The following PLEKHM1 variants were observed in gnomAD, a reference collection of about 807,000 sequenced individuals.
PLEKHM1 encodes the protein pleckstrin homology domain-containing family M member 1.
Under a neutral mutation model 94.3 loss-of-function variants are expected in PLEKHM1, and 28 were observed. The ratio of observed to expected loss-of-function variants is 0.30; its 90% confidence interval spans 0.22 to 0.41. The LOEUF is 0.41. Ranked by LOEUF, PLEKHM1 falls within the 10% of genes least tolerant of loss-of-function variation. The probability of loss-of-function intolerance (pLI) is 1.00; values close to 1 mark genes in which losing one functional copy is unlikely to be tolerated. For missense variants in PLEKHM1, 907 were observed against 1,358.6 expected, an observed-to-expected ratio of 0.67 and a Z score of 5.22; for synonymous variants, 424 against 581.2, an observed-to-expected ratio of 0.73 and a Z score of 3.89.
chr17:45,468,411 T>G lies in PLEKHM1; in HGVS notation c.1106A>C (p.Asp369Ala), dbSNP rs1218395419. Reference sequence around the variant, plus strand: ...ACGCGGCTCCTGCACGTGGACACCATCTTGAGTTCCAGAGGCTGCCTGGGC... The same window carrying G: ...ACGCGGCTCCTGCACGTGGACACCAGCTTGAGTTCCAGAGGCTGCCTGGGC... ...LPAQAASGTQ[D>A]GVHVQEPRPQ... The change falls in exon 5 of 12, where the codon GAT becomes GCT. Residue 369 changes from aspartate (D) to alanine (A), a missense_variant. Physicochemically the swap from Asp to Ala is moderately radical, Grantham distance 126. Around this residue, in one of 3 missense-constraint regions of PLEKHM1, gnomAD observed 477 missense variants for 601.5 expected, o/e 0.79. Coordinates refer to ENST00000430334, the MANE Select transcript of PLEKHM1 (RefSeq NM_014798.3). 1 of 1,614,184 alleles carries G rather than the reference T, an allele frequency of 6.2e-7. No individual in the cohort carries two copies. Among genetic ancestry groups the G allele is most frequent in the East Asian group, 2.2e-5 (1 of 44,878 alleles).
chr17:45,448,983 C>T (rs1046648528), intron 8 of PLEKHM1, among the ~76,000 whole-genome samples: 9 of 151,966 alleles, frequency 5.9e-5, no homozygotes, highest in Non-Finnish European at 8.8e-5. Context: ...GGGTATACCC[C>T]GAAATGTTAA....
Position 45,436,487 on chromosome 17 carries a change from A to C in PLEKHM1, c.*1371T>G, listed in dbSNP as rs1216901953. 1 of 453,512 alleles carries C rather than the reference A, an allele frequency of 2.2e-6. No individual in the cohort carries two copies. The highest frequency in any genetic ancestry group is 4.4e-6 in the Non-Finnish European group (1 of 226,470). 28.1% of individuals were successfully genotyped at this position (453,512 alleles called of 1,614,324 possible). ...GGGTGGGGGTGGGCTCATCTCTGAC[A>C]GTGACATGCGGCTCTCCACCTGAGG... is the stretch of plus-strand genomic sequence containing the variant. On this transcript the variant is annotated 3_prime_UTR_variant, in exon 12 of 12. Coordinates refer to ENST00000430334, the MANE Select transcript of PLEKHM1 (RefSeq NM_014798.3).
chr17:45,478,349 T>C (rs2051826124), intron 2 of PLEKHM1, among the ~76,000 whole-genome samples: 1 of 152,114 alleles, frequency 6.6e-6, no homozygotes, highest in South Asian at 2.1e-4. Flanking sequence ...AAAAGGAAAA[T>C]CACACACACT....
At chr17:45,483,128 C>T (rs1416691920) in intron 1 of PLEKHM1, among the ~76,000 whole-genome samples, 2 of 151,906 alleles carry the variant, frequency 1.3e-5, no homozygotes, top group African/African-American at 4.8e-5. Context: ...GCTTGAGCAG[C>T]ACAGACAGGG....
In PLEKHM1 at chr17:45,437,358, G is replaced by A. The variant is rs1457403203; in HGVS notation, c.*500C>T. On this transcript the variant is annotated 3_prime_UTR_variant, in exon 12 of 12. Coordinates refer to ENST00000430334, the MANE Select transcript of PLEKHM1 (RefSeq NM_014798.3). The surrounding 1 kb of genome is among the most constrained non-coding windows in gnomAD (Gnocchi z 4.0). ...CCCGCTACCTCTAAGCCAGGCCTGAGTGGCTCCTGTGCATCCGCTGGGGGT... is the reference window on the plus strand; with the variant it reads ...CCCGCTACCTCTAAGCCAGGCCTGAATGGCTCCTGTGCATCCGCTGGGGGT... 3 of 454,254 alleles carry A rather than the reference G, an allele frequency of 6.6e-6. No homozygotes were observed. Among genetic ancestry groups the A allele is most frequent in the South Asian group, 1.6e-5 (1 of 64,486 alleles). 28.1% of individuals were successfully genotyped at this position (454,254 alleles called of 1,614,324 possible).
At chr17:45,455,816 G>T (rs1006743595) in intron 6 of PLEKHM1, among the ~76,000 whole-genome samples, 3 of 152,140 alleles carry the variant, frequency 2.0e-5, no homozygotes, top group African/African-American at 4.8e-5. Flanking sequence ...TAGGAGCCAT[G>T]ATGACCCATT....
In PLEKHM1 at chr17:45,441,538, G is replaced by A. The variant is rs114682443; in HGVS notation, c.2838-1312C>T. Among the ~76,000 whole-genome samples the A allele has an allele frequency of 8.7e-3, 1,327 of 152,318 alleles. 13 individuals carry two copies. Among genetic ancestry groups the A allele is most frequent in the African/African-American group, 0.029 (1,222 of 41,566 alleles). ...ACAGGTTGGCCTTCAGCTGGCAGGA[G>A]GGTGGGCGGATCTGGATGGAGAATT... is the stretch of plus-strand genomic sequence containing the variant. On this transcript the variant is annotated intron_variant, in intron 9 of 11. Transcript: ENST00000430334.
chr17:45,489,629 A>G (rs2052243832), intron 1 of PLEKHM1, among the ~76,000 whole-genome samples: 1 of 151,954 alleles, frequency 6.6e-6, no homozygotes, highest in Non-Finnish European at 1.5e-5. Context: ...GCCCCACCCA[A>G]GAGTTGGGGA....
chr17:45,471,611 C>G (rs1443844098), intron 4 of PLEKHM1, among the ~76,000 whole-genome samples: 1 of 151,932 alleles, frequency 6.6e-6, no homozygotes, highest in Non-Finnish European at 1.5e-5. Context: ...CAAAAATTAG[C>G]TGGGTGTGGT....
In PLEKHM1 at chr17:45,445,397, A is replaced by G. The variant is rs568170198; in HGVS notation, c.2837+73T>C. The G allele has an allele frequency of 2.4e-4, 293 of 1,245,640 alleles. No individual in the cohort carries two copies. The highest frequency in any genetic ancestry group is 2.6e-4 in the Non-Finnish European group (221 of 851,520). 77.2% of individuals were successfully genotyped at this position (1,245,640 alleles called of 1,614,324 possible). A position where few individuals can be genotyped will look rare whatever the true frequency, so the allele number is the denominator to read the frequency against. On this transcript the variant is annotated intron_variant, in intron 9 of 11. Transcript: ENST00000430334. This position sits in a 1 kb window ranked among gnomAD's most constrained non-coding sequence, Gnocchi z 4.2. ...TGTGTGTCTGTGTGTACATGTGCAT[A>G]TAAGTATGTGTTTGTGTGCATGCAT... is the stretch of plus-strand genomic sequence containing the variant.
chr17:45,481,700 T>C (rs1431911138), intron 2 of PLEKHM1, among the ~76,000 whole-genome samples: 2 of 149,176 alleles, frequency 1.3e-5, no homozygotes, highest in African/African-American at 5.0e-5. Flanking sequence ...GAAGAGCCTC[T>C]GCATGAAAGC....
At chr17:45,448,453 C>T (rs1216349462) in intron 8 of PLEKHM1, among the ~76,000 whole-genome samples, 1 of 152,216 alleles carries the variant, frequency 6.6e-6, no homozygotes, top group African/African-American at 2.4e-5. Context: ...GCTGGCAGGC[C>T]CTGGCTCTCC....
intron 3 of PLEKHM1, among the ~76,000 whole-genome samples, chr17:45,476,558 C>T (rs2051745856): frequency 6.6e-6 from 1 of 152,164 alleles, no homozygotes; most frequent in South Asian, 2.1e-4. Flanking sequence ...CCACACCCAG[C>T]TGTGCACCAG....
chr17:45,450,992 A>G (rs976029346), intron 7 of PLEKHM1, among the ~76,000 whole-genome samples: 22 of 145,524 alleles, frequency 1.5e-4, no homozygotes, highest in African/African-American at 5.4e-4. Context: ...ATGGATGCTC[A>G]GAGAGGTTAG....
chr17:45,435,477 T>C (rs1381786518), downstream of PLEKHM1, among the ~76,000 whole-genome samples: 1 of 152,224 alleles, frequency 6.6e-6, no homozygotes, highest in Non-Finnish European at 1.5e-5. Context: ...TAAATAACCC[T>C]TCTTTCCTGA....
chr17:45,435,723 C>G (rs1267622552), downstream of PLEKHM1, among the ~76,000 whole-genome samples: 1 of 152,192 alleles, frequency 6.6e-6, no homozygotes, highest in Non-Finnish European at 1.5e-5. Flanking sequence ...TTACTCTCTT[C>G]TCCCTGCCCA....
chr17:45,470,020 C>T (rs1408606202), intron 4 of PLEKHM1, among the ~76,000 whole-genome samples: 6 of 151,724 alleles, frequency 4.0e-5, no homozygotes, highest in South Asian at 4.2e-4. Flanking sequence ...TGCAGTGAGC[C>T]GAGATTGTGC....
At position 45,468,515 on chromosome 17, in the gene PLEKHM1, T is replaced by G. The variant is rs1437686128; in HGVS notation, c.1002A>C (p.Thr334=). 2 of 1,614,174 alleles carry G rather than the reference T, an allele frequency of 1.2e-6. No individual in the cohort carries two copies. The highest frequency in any genetic ancestry group is 2.2e-5 in the South Asian group (2 of 91,084). The change falls in exon 5 of 12, where the codon ACA becomes ACC. Residue 334 remains threonine, a synonymous_variant. Transcript: ENST00000430334. ...NGLSQETEIP[T]PQASLSLHGL... is the part of the protein sequence containing the mutation. Reference sequence around the variant, plus strand: ...CATGGAGGGAGAGCGAGGCCTGTGGTGTGGGGATCTCTGTTTCTTGGCTCA... The same window carrying G: ...CATGGAGGGAGAGCGAGGCCTGTGGGGTGGGGATCTCTGTTTCTTGGCTCA...
chr17:45,474,538 C>T (rs1455406965), intron 4 of PLEKHM1, among the ~76,000 whole-genome samples: 3 of 152,150 alleles, frequency 2.0e-5, no homozygotes, highest in Admixed American at 1.3e-4. Flanking sequence ...CACTCTTATG[C>T]GTTATGTTTC....
Sources: gnomAD v4.1 joint callset for allele counts (sites outside exome capture counted in the v4.1 genomes callset) on GRCh38, gnomAD v4.1.1 for gene constraint, gnomAD v4.1.1 regional missense constraint, Gnocchi (gnomAD v3.1) non-coding constraint, MANE v1.5 for transcripts, NCBI Gene and HGNC (gene_info 2026-07-23, HGNC 2026-07-21) for gene names.